RALY: variants seen among roughly 807,000 people sequenced by gnomAD.
The protein encoded by RALY is RALY heterogeneous nuclear ribonucleoprotein, also known as RNA-binding protein Raly.
In RALY, 15 loss-of-function variants were observed where a neutral mutation model predicts 30.7. The observed-to-expected ratio is 0.49, with a 90% CI of 0.33 to 0.75. RALY has a LOEUF of 0.75. RALY is among the 30% of genes least tolerant of loss of function. RALY has a pLI of 0.02. For synonymous variants in RALY, 177 were observed against 170.8 expected, an observed-to-expected ratio of 1.04 and a Z score of -0.28; for missense variants, 339 against 414.3, an observed-to-expected ratio of 0.82 and a Z score of 1.58.
chr20:34,034,877 G>A (rs1461856752), intron 2 of RALY, among the ~76,000 whole-genome samples: 1 of 152,104 alleles, frequency 6.6e-6, no homozygotes, highest in African/African-American at 2.4e-5. Flanking sequence ...TCTGGGCCGG[G>A]TGCGGTGGCT....
chr20:34,024,822 G>A (rs1437856183), intron 1 of RALY, among the ~76,000 whole-genome samples: 2 of 152,304 alleles, frequency 1.3e-5, no homozygotes, highest in Admixed American at 6.5e-5. Context: ...CTGGGCATAG[G>A]CAACCATACA....
At chr20:34,055,646 T>C (rs2033218888) in intron 2 of RALY, among the ~76,000 whole-genome samples, 1 of 152,198 alleles carries the variant, frequency 6.6e-6, no homozygotes, top group African/African-American at 2.4e-5. Flanking sequence ...AGTATTTTAA[T>C]ACAATCTCCT....
At chr20:34,068,052 G>A (rs1452666667) in intron 2 of RALY, among the ~76,000 whole-genome samples, 1 of 152,062 alleles carries the variant, frequency 6.6e-6, no homozygotes, top group Non-Finnish European at 1.5e-5. Flanking sequence ...TAAGCTCCAT[G>A]TGCACACAGG....
intron 2 of RALY, among the ~76,000 whole-genome samples, chr20:34,051,509 C>T (rs918987170): frequency 6.6e-6 from 1 of 152,150 alleles, no homozygotes; most frequent in African/African-American, 2.4e-5. Context: ...CAGTACAGAA[C>T]ATGTGTTAGG....
In RALY at chr20:34,077,098, CAGTGGT is replaced by C. The variant is rs1568700914; in HGVS notation, c.730_735del (p.Ser244_Gly245del). 9 of 1,604,886 alleles carry C rather than the reference CAGTGGT, an allele frequency of 5.6e-6. No homozygotes were observed. Among genetic ancestry groups the C allele is most frequent in the Non-Finnish European group, 6.0e-6 (7 of 1,175,494 alleles). ...GTGGTGGTGGCAGCGGTGGCGGTGG[CAGTGGT>C]GGTGGCGGTGGCGGTGGCAGCAGCC... On this transcript the variant is annotated inframe_deletion, in exon 8 of 10. Coordinates refer to ENST00000246194, the MANE Select transcript of RALY (RefSeq NM_016732.3).
chr20:34,008,174 G>A (rs2031245692), intron 1 of RALY, among the ~76,000 whole-genome samples: 1 of 152,106 alleles, frequency 6.6e-6, no homozygotes, highest in South Asian at 2.1e-4. Context: ...GTAAATAAAA[G>A]TTCTTCCAGC....
intron 2 of RALY, among the ~76,000 whole-genome samples, chr20:34,053,245 G>GTTCTTT (rs2033134957): frequency 6.6e-6 from 1 of 151,902 alleles, no homozygotes; most frequent in African/African-American, 2.4e-5. Flanking sequence ...TGACATAGAG[G>GTTCTTT]TTCTTTTCCA....
At chr20:34,043,080 T>C (rs1010784507) in intron 2 of RALY, among the ~76,000 whole-genome samples, 1 of 152,236 alleles carries the variant, frequency 6.6e-6, no homozygotes, top group African/African-American at 2.4e-5. Context: ...GTGACCTCTT[T>C]ACTAAGGTTT....
rs939530270 is a variant in RALY, at chr20:34,075,773, T to TC, written c.378-98dup. 3.0e-6 allele frequency: 4 copies of TC among 1,346,168 alleles called. No individual in the cohort carries two copies. In the African/African-American group the frequency reaches 5.8e-5, roughly 20 times the overall value. 83.4% of individuals were successfully genotyped at this position (1,346,168 alleles called of 1,614,324 possible). On this transcript the variant is annotated intron_variant, in intron 5 of 9. Transcript: ENST00000246194. The stretch of plus-strand genomic sequence containing the variant: ...CCAGCAGAGGTGTGTAGTGCAGGCC[T>TC]CCCAGCCCCTCACCAGCCACACACG...
At chr20:34,076,389 A>G (rs757735591) in intron 6 of RALY, among the ~76,000 whole-genome samples, 1 of 152,224 alleles carries the variant, frequency 6.6e-6, no homozygotes, top group African/African-American at 2.4e-5. Flanking sequence ...TCAGATTCCA[A>G]AAGACACATG....
intron 8 of RALY, among the ~76,000 whole-genome samples, chr20:34,078,187 C>T (rs1472055045): frequency 6.6e-6 from 1 of 152,228 alleles, no homozygotes; most frequent in Non-Finnish European, 1.5e-5. Flanking sequence ...ACTTGGATGC[C>T]CCCAGAGATG....
rs141420588 is a variant in RALY at position 34,043,639 on chromosome 20, C to T, written c.-10+12035C>T. Reference sequence around the variant, plus strand: ...TTTCCAGTCCTTTCTCCAATCGTCTCCTCATACCCTGTTCCATGGGGGTTC... The same window carrying T: ...TTTCCAGTCCTTTCTCCAATCGTCTTCTCATACCCTGTTCCATGGGGGTTC... On this transcript the variant is annotated intron_variant, in intron 2 of 9. Transcript: ENST00000246194. Among the ~76,000 whole-genome samples the T allele has an allele frequency of 8.7e-4, 133 of 152,292 alleles. 1 individual carries two copies. The highest frequency in any genetic ancestry group is 3.2e-3 in the African/African-American group (131 of 41,568).
At chr20:34,072,502 A>G (rs2033756044) in intron 3 of RALY, among the ~76,000 whole-genome samples, 172 bp downstream of exon 3, 2 of 152,244 alleles carry the variant, frequency 1.3e-5, no homozygotes, top group Non-Finnish European at 2.9e-5. Flanking sequence ...CCTATAGGGA[A>G]GAATTTTAGA....
intron 1 of RALY, among the ~76,000 whole-genome samples, chr20:34,000,726 A>G (rs971267574): frequency 1.3e-5 from 2 of 152,198 alleles, no homozygotes; most frequent in South Asian, 2.1e-4. Flanking sequence ...TAGAGGGTAC[A>G]TACTTGAGTT....
chr20:34,026,704 C>T (rs1343485115), intron 1 of RALY, among the ~76,000 whole-genome samples: 1 of 152,082 alleles, frequency 6.6e-6, no homozygotes, highest in African/African-American at 2.4e-5. Flanking sequence ...CAGGTGTCTC[C>T]TTCCTTACCT....
intron 1 of RALY, among the ~76,000 whole-genome samples, chr20:34,004,510 A>G (rs1029536723): frequency 6.6e-5 from 10 of 152,240 alleles, no homozygotes; most frequent in African/African-American, 2.4e-4. Flanking sequence ...AGAGGCACAG[A>G]TGAATGACTA....
intron 1 of RALY, among the ~76,000 whole-genome samples, chr20:34,005,377 C>T (rs1433042743): frequency 1.3e-5 from 2 of 151,972 alleles, no homozygotes; most frequent in African/African-American, 2.4e-5. Flanking sequence ...GGCGTGGTGG[C>T]GCGTGCCTGT....
intron 6 of RALY, chr20:34,076,302 A>G (rs1245084286): frequency 1.8e-6 from 1 of 552,878 alleles, no homozygotes; most frequent in Non-Finnish European, 3.2e-6. Context: ...TAGTAAGGAT[A>G]AGGACAGGTC....
At chr20:34,071,309 G>C (rs969317533) in intron 2 of RALY, among the ~76,000 whole-genome samples, 1 of 149,240 alleles carries the variant, frequency 6.7e-6, no homozygotes, top group Non-Finnish European at 1.5e-5. Context: ...TTTTTTTTTA[G>C]ACAGAGTCTG....
Sources: gnomAD v4.1 joint callset for allele counts (sites outside exome capture counted in the v4.1 genomes callset) on GRCh38, gnomAD v4.1.1 for gene constraint, MANE v1.5 for transcripts, NCBI Gene and HGNC (gene_info 2026-07-23, HGNC 2026-07-21) for gene names.